Variants in UEVLD observed in about 807,000 individuals in gnomAD.
The protein encoded by UEVLD is UEV and lactate/malate dehyrogenase domains.
Under a neutral mutation model 58.6 loss-of-function variants are expected in UEVLD, and 47 were observed. The observed-to-expected ratio is 0.80, with a 90% confidence interval of 0.63 to 1.02. UEVLD has a LOEUF of 1.02. Among genes scored for constraint, UEVLD ranks in the 50% least tolerant of loss-of-function variants. The pLI, the probability that UEVLD is intolerant of heterozygous loss-of-function variation, is 0.00. For synonymous variants in UEVLD, 197 were observed against 195.3 expected, an observed-to-expected ratio of 1.01 and a Z score of -0.07; for missense variants, 510 against 550.6, an observed-to-expected ratio of 0.93 and a Z score of 0.74.
At chr11:18,584,322 G>A (rs555715661) in intron 1 of UEVLD, among the ~76,000 whole-genome samples, 1 of 152,224 alleles carries the variant, frequency 6.6e-6, no homozygotes, top group South Asian at 2.1e-4. Flanking sequence ...GTTTGAGGCT[G>A]CAGTAAGCTA....
At chr11:18,567,482 T>C (rs1217359443) in intron 4 of UEVLD, among the ~76,000 whole-genome samples, 2 of 152,186 alleles carry the variant, frequency 1.3e-5, no homozygotes, top group African/African-American at 4.8e-5. Context: ...AGAATTCAAA[T>C]ACCTTTGGGG....
intron 3 of UEVLD, 134 bp from the exon 4 acceptor site, chr11:18,570,511 T>A: frequency 1.3e-6 from 1 of 783,944 alleles, no homozygotes; most frequent in Non-Finnish European, 1.8e-6. Context: ...TTTGGGATGC[T>A]GAGGTGAGCA....
chr11:18,576,408 C>T (rs892487830), intron 2 of UEVLD, among the ~76,000 whole-genome samples: 5 of 152,082 alleles, frequency 3.3e-5, no homozygotes, highest in East Asian at 1.9e-4. Flanking sequence ...TGTGGTGGTT[C>T]CCAGCTGCTC....
chr11:18,552,823 C>A (rs146539559), intron 7 of UEVLD, among the ~76,000 whole-genome samples: 51 of 151,286 alleles, frequency 3.4e-4, no homozygotes, highest in African/African-American at 1.2e-3. Flanking sequence ...ATTGCACCAC[C>A]GCACTCCAGC....
intron 9 of UEVLD, among the ~76,000 whole-genome samples, chr11:18,537,869 GC>G (rs899899049): frequency 1.3e-5 from 2 of 151,918 alleles, no homozygotes; most frequent in African/African-American, 4.8e-5. Context: ...CACCATGTTG[GC>G]CAGGCTGGTC....
intron 10 of UEVLD, among the ~76,000 whole-genome samples, chr11:18,534,991 A>G (rs962027577): frequency 6.6e-6 from 1 of 152,254 alleles, no homozygotes; most frequent in Non-Finnish European, 1.5e-5. Flanking sequence ...TTAAATCACT[A>G]CCAAGCGTAG....
intron 7 of UEVLD, among the ~76,000 whole-genome samples, chr11:18,551,380 G>A (rs1273497510): frequency 4.1e-5 from 5 of 121,202 alleles, no homozygotes; most frequent in East Asian, 3.0e-4. Context: ...CTGAGATCGC[G>A]CCACTGCACC....
chr11:18,537,308 C>CTT lies in UEVLD; in HGVS notation c.1061-841_1061-840dup, dbSNP rs1418031146. On this transcript the variant is annotated intron_variant, in intron 9 of 11. Coordinates refer to ENST00000396197, the MANE Select transcript of UEVLD (RefSeq NM_001040697.4). ...AGCTGCATACACAGACTGGAAATTT[C>CTT]TTTATATATATATATATTTTTTTTT... Among the ~76,000 whole-genome samples the CTT allele has an allele frequency of 7.8e-5, 3 of 38,702 alleles. No homozygotes were observed. In the East Asian group the frequency reaches 2.7e-3, roughly 35 times the overall value. The allele number at this position is 38,702 out of a possible 152,430, so 25.4% of individuals were successfully genotyped here. A position where few individuals can be genotyped will look rare whatever the true frequency, so the allele number is the denominator to read the frequency against.
chr11:18,556,210 G>A (rs1276070290), intron 7 of UEVLD, among the ~76,000 whole-genome samples: 1 of 152,172 alleles, frequency 6.6e-6, no homozygotes, highest in East Asian at 1.9e-4. Flanking sequence ...TCCATATACT[G>A]AAGAGTCTCC....
At chr11:18,582,257 A>C (rs1462522445) in intron 1 of UEVLD, among the ~76,000 whole-genome samples, 5 of 152,220 alleles carry the variant, frequency 3.3e-5, no homozygotes, top group Non-Finnish European at 1.5e-5. Flanking sequence ...CAAAGGCAGC[A>C]AAAGCACTCT....
chr11:18,588,593 G>C lies in UEVLD; in HGVS notation c.42+20C>G. On this transcript the variant is annotated intron_variant, in intron 1 of 11. Transcript: ENST00000396197. Reference sequence around the variant, plus strand: ...CGCAAGACCCTGAGGACCCAAACTGGCCCAGCGGACTGCCCGCACCTTGCC... The same window carrying C: ...CGCAAGACCCTGAGGACCCAAACTGCCCCAGCGGACTGCCCGCACCTTGCC... The C allele has an allele frequency of 6.2e-7, 1 of 1,609,130 alleles. No homozygotes were observed. Among genetic ancestry groups the C allele is most frequent in the Non-Finnish European group, 8.5e-7 (1 of 1,179,546 alleles).
At chr11:18,559,185 T>TCTTTC (rs1851891885) in intron 6 of UEVLD, among the ~76,000 whole-genome samples, 1 of 150,168 alleles carries the variant, frequency 6.7e-6, no homozygotes, top group Middle Eastern at 3.5e-3. Flanking sequence ...TGCAGGTTTC[T>TCTTTC]TTTTCTTTTC....
At chr11:18,565,997 C>A (rs1314969619) in intron 5 of UEVLD, among the ~76,000 whole-genome samples, 1 of 148,244 alleles carries the variant, frequency 6.7e-6, no homozygotes, top group Non-Finnish European at 1.5e-5. Context: ...CTCCCGGATT[C>A]AAGCAATTTT....
At chr11:18,532,926 T>C (rs1325301375) in intron 11 of UEVLD, among the ~76,000 whole-genome samples, 1 of 152,202 alleles carries the variant, frequency 6.6e-6, no homozygotes, top group Non-Finnish European at 1.5e-5. Context: ...CATGTGATAT[T>C]TCAATATATG....
At chr11:18,576,674 G>A (rs1401477894) in intron 2 of UEVLD, among the ~76,000 whole-genome samples, 1 of 152,150 alleles carries the variant, frequency 6.6e-6, no homozygotes, top group East Asian at 1.9e-4. Flanking sequence ...TACACTTGAT[G>A]GATCAGCTGG....
At position 18,547,220 on chromosome 11, in the gene UEVLD, A is replaced by G. The variant is rs528725505; in HGVS notation, c.716-170T>C. Among the ~76,000 whole-genome samples, 6 of 152,326 alleles carry G rather than the reference A, an allele frequency of 3.9e-5. No individual in the cohort carries two copies. The South Asian group carries it at 6.2e-4, about 16-fold the overall frequency. ...TATAAAATGCGGAGGTTTGCCTCCA[A>G]AAAGAGGATTAAGAGTAAGTGTTGA... On this transcript the variant is annotated intron_variant, in intron 7 of 11. Transcript: ENST00000396197.
Position 18,543,727 on chromosome 11 carries a change from T to C in UEVLD, c.1060+896A>G, listed in dbSNP as rs73422537. 5.0e-3 allele frequency among the ~76,000 whole-genome samples: 763 copies of C among 152,302 alleles called. 5 individuals are homozygous for C. The highest frequency in any genetic ancestry group is 0.018 in the African/African-American group (737 of 41,558). On this transcript the variant is annotated intron_variant, in intron 9 of 11. Coordinates refer to ENST00000396197, the MANE Select transcript of UEVLD (RefSeq NM_001040697.4). ...CTTAAATCACTGACCAACCTGGCTT[T>C]ATAGCAAGAGAGAAACAATAAAAGA... is the stretch of plus-strand genomic sequence containing the variant.
chr11:18,585,645 T>TTA (rs1853512201), intron 1 of UEVLD, among the ~76,000 whole-genome samples: 1 of 138,066 alleles, frequency 7.2e-6, no homozygotes, highest in Non-Finnish European at 1.6e-5. Context: ...TATTATTATT[T>TTA]TTTTTTTTTT....
chr11:18,546,844 T>G (rs1239225203), intron 8 of UEVLD, 36 bp downstream of exon 8: 2 of 1,607,848 alleles, frequency 1.2e-6, no homozygotes, highest in Admixed American at 3.4e-5. Context: ...ACTGATGTAC[T>G]GGACCATCAA....
Sources: gnomAD v4.1 joint callset for allele counts (sites outside exome capture counted in the v4.1 genomes callset) on GRCh38, gnomAD v4.1.1 for gene constraint, MANE v1.5 for transcripts, NCBI Gene and HGNC (gene_info 2026-07-23, HGNC 2026-07-21) for gene names.